Variants in INTS7 observed in about 807,000 individuals in gnomAD.
INTS7 encodes the protein chromosome 1 open reading frame 73.
INTS7 carries 46 observed loss-of-function variants against 109.2 expected under a neutral mutation model. The ratio of observed to expected loss-of-function variants is 0.42; its 90% CI spans 0.33 to 0.54. INTS7 has a LOEUF of 0.54. INTS7 is among the 20% of genes least tolerant of loss of function. The probability of loss-of-function intolerance (pLI) is 0.07; values close to 1 mark genes in which losing one functional copy is unlikely to be tolerated. For missense variants in INTS7, 929 were observed against 1,132.4 expected (o/e 0.82, Z 2.58); for synonymous variants, 412 against 402.9 (o/e 1.02, Z -0.27).
At position 211,999,066 on chromosome 1, in the gene INTS7, C is replaced by T. The variant is rs950003489; in HGVS notation, c.879+7573G>A. Among the ~76,000 whole-genome samples the T allele has an allele frequency of 4.6e-5, 7 of 152,140 alleles. No homozygotes were observed. The East Asian group carries it at 5.8e-4, about 13-fold the overall frequency. On this transcript the variant is annotated intron_variant, in intron 7 of 19. Transcript: ENST00000366994. The stretch of plus-strand genomic sequence containing the variant: ...AAAATGGTATCGCAATTTTGGAAAA[C>T]GGTTTGGCAGTTTCTTACAAAGTTA...
Position 211,942,239 on chromosome 1 carries a change from C to T in INTS7, c.2602-128G>A. 1 of 942,920 alleles carries T rather than the reference C, an allele frequency of 1.1e-6. No homozygotes were observed. Among genetic ancestry groups the T allele is most frequent in the Non-Finnish European group, 1.6e-6 (1 of 626,038 alleles). 58.4% of individuals were successfully genotyped at this position (942,920 alleles called of 1,614,324 possible). A position where few individuals can be genotyped will look rare whatever the true frequency, so the allele number is the denominator to read the frequency against. On this transcript the variant is annotated intron_variant, in intron 19 of 19. Transcript: ENST00000366994. The surrounding 1 kb of genome is among the most constrained non-coding windows in gnomAD (Gnocchi z 4.2). ...ATAAAAAATTAGGTACTGCTATCAT[C>T]CTTGCTTCACCGATGAGGAGTCTAA...
chr1:211,968,977 A>C (rs1183900353), intron 13 of INTS7, among the ~76,000 whole-genome samples: 1 of 152,168 alleles, frequency 6.6e-6, no homozygotes, highest in Admixed American at 6.5e-5. Context: ...GTGAATTGTC[A>C]AGAACATCAT....
intron 10 of INTS7, among the ~76,000 whole-genome samples, chr1:211,978,789 T>C (rs1021718111): frequency 2.6e-5 from 4 of 152,242 alleles, no homozygotes; most frequent in Admixed American, 6.5e-5. Context: ...TAAGGAATAA[T>C]GCTGAAGAGG....
At chr1:212,008,435 T>C (rs1444745163) in intron 5 of INTS7, among the ~76,000 whole-genome samples, 2 of 152,186 alleles carry the variant, frequency 1.3e-5, no homozygotes, top group East Asian at 1.9e-4. Context: ...TAATCTCCTT[T>C]GTAGTCTCCT....
rs1416777929 is a variant in INTS7 at position 212,030,295 on chromosome 1, T to TG, written c.94+5048_94+5049insC. Reference sequence around the variant, plus strand: ...GCTTCAATTCTACATGATTTTTTGTTTTTTTTTTTTGAGATGGAGTTTCAT... The same window carrying TG: ...GCTTCAATTCTACATGATTTTTTGTTGTTTTTTTTTTGAGATGGAGTTTCAT... On this transcript the variant is annotated intron_variant, in intron 1 of 19. Transcript: ENST00000366994. Among the ~76,000 whole-genome samples, 6 of 136,904 alleles carry TG rather than the reference T, an allele frequency of 4.4e-5. No individual in the cohort carries two copies. In the East Asian group the frequency reaches 9.7e-4, roughly 22 times the overall value. 89.8% of individuals were successfully genotyped at this position (136,904 alleles called of 152,430 possible).
chr1:211,945,033 T>A, intron 18 of INTS7, 64 bp from the exon 19 acceptor site: 1 of 1,481,010 alleles, frequency 6.8e-7, no homozygotes, highest in Non-Finnish European at 9.3e-7. Flanking sequence ...GACAAACATG[T>A]CTGTGCTAAT....
chr1:211,973,579 A>G (rs903892569), intron 13 of INTS7, among the ~76,000 whole-genome samples: 6 of 152,338 alleles, frequency 3.9e-5, no homozygotes, highest in African/African-American at 1.4e-4. Context: ...GCCCATGCTC[A>G]TATTTACTCA....
chr1:211,984,712 C>A lies in INTS7; in HGVS notation c.998-1902G>T, dbSNP rs377658758. ...GTGAGAGAAAAGTTTTCCTCCCCCA[C>A]CCAATGTTATCAGCTTCTTGTGTAT... On this transcript the variant is annotated intron_variant, in intron 8 of 19. Coordinates refer to ENST00000366994, the MANE Select transcript of INTS7 (RefSeq NM_015434.4). Among the ~76,000 whole-genome samples the A allele has an allele frequency of 3.7e-4, 56 of 152,258 alleles. 2 individuals are homozygous for A. The South Asian group carries it at 0.011, about 30-fold the overall frequency.
At chr1:212,006,246 A>G (rs1049044150) in intron 7 of INTS7, among the ~76,000 whole-genome samples, 2 of 152,204 alleles carry the variant, frequency 1.3e-5, no homozygotes, top group Non-Finnish European at 2.9e-5. Context: ...AGAGAGAAAT[A>G]TATTTCCCAA....
At position 211,941,811 on chromosome 1, in the gene INTS7, A is replaced by G. The variant is rs762985534; in HGVS notation, c.*13T>C. On this transcript the variant is annotated 3_prime_UTR_variant, in exon 20 of 20. Transcript: ENST00000366994. ...TTGATCTCTTGAGAGTCTGCAGTGC[A>G]TTCATTCCATGGTTAAAACCGTGTG... is the stretch of plus-strand genomic sequence containing the variant. The G allele has an allele frequency of 8.1e-6, 13 of 1,611,986 alleles. No individual in the cohort carries two copies. The highest frequency in any genetic ancestry group is 1.1e-5 in the Non-Finnish European group (13 of 1,178,700).
chr1:211,947,877 C>T (rs539841865), intron 17 of INTS7, among the ~76,000 whole-genome samples: 2 of 152,182 alleles, frequency 1.3e-5, no homozygotes, highest in Non-Finnish European at 2.9e-5. Context: ...AACAAGCTAG[C>T]CAGGTAAACT....
At chr1:211,960,510 T>G (rs773334559) in intron 16 of INTS7, among the ~76,000 whole-genome samples, 17 of 151,948 alleles carry the variant, frequency 1.1e-4, no homozygotes, top group Non-Finnish European at 2.1e-4. Context: ...ATGAAGATCA[T>G]CAAGAAGGAG....
Position 211,976,678 on chromosome 1 carries a change from TG to T in INTS7, c.1511del (p.Ala504AspfsTer9). Reference sequence around the variant, plus strand: ...TTACTGCCTTACTTTCCACAGACAATGCCTTCTGACTTGCAACAAAAATCAC... The same window carrying T: ...TTACTGCCTTACTTTCCACAGACAATCCTTCTGACTTGCAACAAAAATCAC... ...ATVIFVASQK[A>X]LSVESKAVIK... On this transcript the variant is annotated frameshift_variant, in exon 12 of 20. Transcript: ENST00000366994. LOFTEE classifies it high-confidence loss of function. The T allele has an allele frequency of 6.2e-7, 1 of 1,614,010 alleles. No individual in the cohort carries two copies. The highest frequency in any genetic ancestry group is 8.5e-7 in the Non-Finnish European group (1 of 1,179,882).
At position 211,999,021 on chromosome 1, in the gene INTS7, T is replaced by C. The variant is rs74639075; in HGVS notation, c.879+7618A>G. Among the ~76,000 whole-genome samples the C allele has an allele frequency of 3.0e-3, 463 of 152,308 alleles. 2 individuals are homozygous for C. The highest frequency in any genetic ancestry group is 5.6e-3 in the Non-Finnish European group (383 of 68,024). On this transcript the variant is annotated intron_variant, in intron 7 of 19. Transcript: ENST00000366994. Reference sequence around the variant, plus strand: ...CAAGGATACAGAACTAAAACTCTTATATATGGCTGGTGGGTAAGTAAAATG... The same window carrying C: ...CAAGGATACAGAACTAAAACTCTTACATATGGCTGGTGGGTAAGTAAAATG...
At chr1:212,015,578 G>T (rs1187121439) in intron 4 of INTS7, among the ~76,000 whole-genome samples, 2 of 151,734 alleles carry the variant, frequency 1.3e-5, no homozygotes, top group East Asian at 3.9e-4. Context: ...GAGGAAGGCC[G>T]CAGGGTCCTC....
intron 13 of INTS7, among the ~76,000 whole-genome samples, chr1:211,971,292 G>A (rs1664155255): frequency 6.6e-6 from 1 of 152,210 alleles, no homozygotes; most frequent in Non-Finnish European, 1.5e-5. Context: ...GAGAACCACT[G>A]TCCTAGAGAA....
At chr1:212,025,359 G>C (rs367783356) in intron 1 of INTS7, among the ~76,000 whole-genome samples, 1 of 152,050 alleles carries the variant, frequency 6.6e-6, no homozygotes, top group Non-Finnish European at 1.5e-5. Flanking sequence ...AGGGGCATGA[G>C]GAAAGTTTTT....
In INTS7 at chr1:212,028,598, A is replaced by G. The variant is rs182079863; in HGVS notation, c.94+6746T>C. ...GTAAGAAAGTAAATGCAGTTAATAAAATGAAGGACCATGAAATCTAAGCTG... is the reference window on the plus strand; with the variant it reads ...GTAAGAAAGTAAATGCAGTTAATAAGATGAAGGACCATGAAATCTAAGCTG... On this transcript the variant is annotated intron_variant, in intron 1 of 19. Transcript: ENST00000366994. Among the ~76,000 whole-genome samples, 30 of 152,356 alleles carry G rather than the reference A, an allele frequency of 2.0e-4. No homozygotes were observed. The East Asian group carries it at 2.3e-3, about 12-fold the overall frequency.
intron 9 of INTS7, among the ~76,000 whole-genome samples, chr1:211,981,582 T>A (rs1298423820): frequency 6.6e-6 from 1 of 152,158 alleles, no homozygotes; most frequent in Non-Finnish European, 1.5e-5. Flanking sequence ...CATTTTTACC[T>A]AAGATATAAC....
Sources: allele counts gnomAD v4.1 joint callset (sites outside exome capture counted in the v4.1 genomes callset), GRCh38; gene constraint gnomAD v4.1.1; non-coding constraint Gnocchi (gnomAD v3.1); transcripts MANE v1.5; gene names NCBI Gene and HGNC (gene_info 2026-07-23, HGNC 2026-07-21).